The following UMAD1 variants were observed in gnomAD, a reference collection of about 807,000 sequenced individuals.
UMAD1 encodes UBAP1-MVB12-associated (UMA)-domain containing protein 1.
UMAD1 carries 8 observed loss-of-function variants against 6.1 expected under a neutral mutation model. That is an observed-to-expected ratio of 1.30 (90% CI 0.76 to 2.35). UMAD1 has a LOEUF of 2.35. Among genes scored for constraint, UMAD1 ranks in the 30% most tolerant of loss-of-function variants. UMAD1 has a pLI of 0.00. For synonymous variants in UMAD1, 56 were observed against 31.4 expected, an observed-to-expected ratio of 1.78 and a Z score of -2.61; for missense variants, 130 against 78.4, an observed-to-expected ratio of 1.66 and a Z score of -2.49.
chr7:7,700,097 A>C (rs1310840601), intron 2 of UMAD1, among the ~76,000 whole-genome samples: 1 of 152,172 alleles, frequency 6.6e-6, no homozygotes, highest in Non-Finnish European at 1.5e-5. Context: ...AAAGTGTCAT[A>C]GATTGGTGGC....
intron 2 of UMAD1, among the ~76,000 whole-genome samples, chr7:7,745,502 G>A (rs1242361919): frequency 2.6e-5 from 4 of 152,092 alleles, no homozygotes; most frequent in African/African-American, 4.8e-5. Flanking sequence ...AATTCAGGAA[G>A]CATTTATTTT....
chr7:7,748,103 A>ATTTTTTTTT (rs35368211), intron 2 of UMAD1, among the ~76,000 whole-genome samples: 14,411 of 139,462 alleles, frequency 0.1, 1,252 homozygotes, highest in African/African-American at 0.23. Flanking sequence ...CGCCCAGCTA[A>ATTTTTTTTT]TTTTTTTTTT....
intron 2 of UMAD1, among the ~76,000 whole-genome samples, chr7:7,768,621 T>G (rs1407924643): frequency 6.6e-6 from 1 of 152,206 alleles, no homozygotes; most frequent in Admixed American, 6.5e-5. Context: ...TTCATTTTAT[T>G]CGCTCATGTG....
chr7:7,685,092 T>C (rs1298743353), intron 2 of UMAD1, among the ~76,000 whole-genome samples: 1 of 152,174 alleles, frequency 6.6e-6, no homozygotes, highest in Admixed American at 6.5e-5. Context: ...ATATAGATAA[T>C]GAGGATGAGA....
chr7:7,687,882 C>A (rs1027640999), intron 2 of UMAD1, among the ~76,000 whole-genome samples: 1 of 152,142 alleles, frequency 6.6e-6, no homozygotes. Flanking sequence ...ATTTATGGAA[C>A]GACTTATTTT....
At chr7:7,731,186 A>AGG (rs369671274) in intron 2 of UMAD1, among the ~76,000 whole-genome samples, 1 of 150,862 alleles carries the variant, frequency 6.6e-6, no homozygotes, top group East Asian at 2.0e-4. Context: ...TTCAGTAGAG[A>AGG]GGGGGGGGTT....
intron 1 of UMAD1, among the ~76,000 whole-genome samples, chr7:7,649,158 C>CAAAAAAAAA (rs34943326): frequency 3.1e-5 from 4 of 128,872 alleles, no homozygotes; most frequent in Non-Finnish European, 6.4e-5. Context: ...GACTCCATCT[C>CAAAAAAAAA]AAAAAAAAAA....
intron 2 of UMAD1, among the ~76,000 whole-genome samples, chr7:7,759,849 C>G (rs1316257402): frequency 6.6e-6 from 1 of 152,154 alleles, no homozygotes; most frequent in East Asian, 1.9e-4. Flanking sequence ...GTGGCTCAGA[C>G]TTTCTGGGAG....
Position 7,722,427 on chromosome 7 carries a change from A to C in UMAD1, c.82+48974A>C, listed in dbSNP as rs1164877423. ...TGATAGTCCTTGGCATGAACTGTTT[A>C]GACAGTTATGCAAAATAAATGCATT... On this transcript the variant is annotated intron_variant, in intron 2 of 3. Coordinates refer to ENST00000682710, the MANE Select transcript of UMAD1 (RefSeq NM_001302348.2). Among the ~76,000 whole-genome samples the C allele has an allele frequency of 1.2e-4, 18 of 152,238 alleles. 1 individual carries two copies. The South Asian group carries it at 3.3e-3, about 28-fold the overall frequency.
chr7:7,783,383 T>C (rs1782389723), intron 2 of UMAD1, among the ~76,000 whole-genome samples: 1 of 152,056 alleles, frequency 6.6e-6, no homozygotes, highest in Non-Finnish European at 1.5e-5. Flanking sequence ...TTTTGTAGAA[T>C]AGAATAGAAG....
chr7:7,873,449 G>T (rs1430680070), intron 3 of UMAD1, among the ~76,000 whole-genome samples: 1 of 152,178 alleles, frequency 6.6e-6, no homozygotes, highest in Non-Finnish European at 1.5e-5. Flanking sequence ...CTGACCCGAG[G>T]ATAATTAGCA....
chr7:7,763,421 C>A (rs1781928909), intron 2 of UMAD1, among the ~76,000 whole-genome samples: 1 of 152,146 alleles, frequency 6.6e-6, no homozygotes, highest in Non-Finnish European at 1.5e-5. Flanking sequence ...CCTCCCTCCT[C>A]CACCCCCAGT....
At chr7:7,872,470 G>A (rs762715486) in intron 3 of UMAD1, among the ~76,000 whole-genome samples, 1 of 152,182 alleles carries the variant, frequency 6.6e-6, no homozygotes, top group Non-Finnish European at 1.5e-5. Context: ...GGCATGGTTC[G>A]TGGCACTGCA....
chr7:7,794,414 C>T (rs957147413), intron 2 of UMAD1, among the ~76,000 whole-genome samples: 3 of 152,150 alleles, frequency 2.0e-5, no homozygotes, highest in East Asian at 1.9e-4. Flanking sequence ...GCGTCCTAAT[C>T]GGAATCCCAG....
At chr7:7,860,619 A>AAAAAAAAAAAAAAAAAAAAAG (rs1784097698) in intron 3 of UMAD1, among the ~76,000 whole-genome samples, 1 of 149,810 alleles carries the variant, frequency 6.7e-6, no homozygotes, top group Non-Finnish European at 1.5e-5. Context: ...AAAAAAAAAA[A>AAAAAAAAAAAAAAAAAAAAAG]AAAAAAATTA....
intron 2 of UMAD1, among the ~76,000 whole-genome samples, chr7:7,799,152 A>G (rs867938090): frequency 5.3e-5 from 8 of 152,222 alleles, no homozygotes; most frequent in East Asian, 1.9e-4. Flanking sequence ...TTTTTACCAT[A>G]ATAAAATAAT....
At chr7:7,833,373 T>C (rs1783501113) in intron 3 of UMAD1, among the ~76,000 whole-genome samples, 1 of 152,274 alleles carries the variant, frequency 6.6e-6, no homozygotes, top group South Asian at 2.1e-4. Flanking sequence ...TGTTAGTATT[T>C]CTTGATATCG....
chr7:7,743,497 A>AT (rs541859772), intron 2 of UMAD1, among the ~76,000 whole-genome samples: 1 of 152,150 alleles, frequency 6.6e-6, no homozygotes, highest in Admixed American at 6.5e-5. Flanking sequence ...TCTTTTACAG[A>AT]TTTTTTTAAC....
chr7:7,842,843 G>T (rs7795698), intron 3 of UMAD1, among the ~76,000 whole-genome samples: 76,116 of 151,826 alleles, frequency 0.5, 19,588 homozygotes, highest in Middle Eastern at 0.59. Flanking sequence ...TACTCAGGGA[G>T]GAAGACAGAA....
Sources: allele counts gnomAD v4.1 joint callset (sites outside exome capture counted in the v4.1 genomes callset), GRCh38; gene constraint gnomAD v4.1.1; transcripts MANE v1.5; gene names NCBI Gene and HGNC (gene_info 2026-07-23, HGNC 2026-07-21).